CDH18: variants seen among roughly 807,000 people sequenced by gnomAD.
CDH18 encodes cadherin-18.
A neutral mutation model predicts 67.9 loss-of-function variants in CDH18; 31 were observed. The observed-to-expected ratio is 0.46, with a 90% CI of 0.34 to 0.62. The LOEUF (loss-of-function observed/expected upper bound fraction) is 0.62, where lower values mean the gene tolerates loss of function less well. CDH18 is among the 20% of genes least tolerant of loss of function. CDH18 has a pLI of 0.01. For missense variants in CDH18, 890 were observed against 975.5 expected (o/e 0.91, Z 1.17); for synonymous variants, 362 against 347.2 (o/e 1.04, Z -0.48).
chr5:20,518,510 GGAT>G (rs1755517340), intron 1 of CDH18, among the ~76,000 whole-genome samples: 1 of 152,076 alleles, frequency 6.6e-6, no homozygotes, highest in Non-Finnish European at 1.5e-5. Context: ...GAAAAATTAT[GGAT>G]CCTGTGTAAG....
At chr5:20,004,341 T>C (rs149553397) in intron 2 of CDH18, among the ~76,000 whole-genome samples, 1 of 152,304 alleles carries the variant, frequency 6.6e-6, no homozygotes, top group East Asian at 1.9e-4. Context: ...CTGGGCATTG[T>C]CTCTGACCTG....
intron 4 of CDH18, among the ~76,000 whole-genome samples, chr5:19,727,744 T>C (rs1767032446): frequency 1.3e-5 from 2 of 152,176 alleles, no homozygotes; most frequent in Non-Finnish European, 2.9e-5. Context: ...TCTGTAATTG[T>C]GTATTATGTT....
intron 2 of CDH18, among the ~76,000 whole-genome samples, chr5:19,917,522 G>A (rs933334364): frequency 6.6e-6 from 1 of 152,098 alleles, no homozygotes; most frequent in Non-Finnish European, 1.5e-5. Flanking sequence ...GCCTGGTTTT[G>A]CATGTTTGTG....
intron 6 of CDH18, among the ~76,000 whole-genome samples, chr5:19,607,540 A>G (rs1396038468): frequency 6.6e-6 from 1 of 151,374 alleles, no homozygotes; most frequent in Non-Finnish European, 1.5e-5. Flanking sequence ...AATGAATGAA[A>G]TTAAATAATT....
chr5:19,747,308 C>T, intron 3 of CDH18, 72 bp from the exon 4 acceptor site: 1 of 1,242,510 alleles, frequency 8.0e-7, no homozygotes, highest in Admixed American at 2.0e-5. Context: ...CTGAAAACTC[C>T]CTATCTATAA....
chr5:20,496,471 T>C (rs1223181924), intron 1 of CDH18, among the ~76,000 whole-genome samples: 1 of 152,172 alleles, frequency 6.6e-6, no homozygotes, highest in African/African-American at 2.4e-5. Flanking sequence ...CCAGAATATT[T>C]AATATTTTAC....
rs114911716 is a variant in CDH18, at chr5:20,020,644, C to T, written c.-517-28630G>A. 3.3e-3 allele frequency among the ~76,000 whole-genome samples: 509 copies of T among 152,258 alleles called. 3 individuals are homozygous for T. The highest frequency in any genetic ancestry group is 0.012 in the African/African-American group (480 of 41,524). ...TCATGGCCTCCACATAGTGTTAAGC[C>T]TCTGGGTGTGCCGGGGCCAAGGGTT... On this transcript the variant is annotated intron_variant, in intron 2 of 14. Coordinates refer to the CDH18 transcript ENST00000507958.
At chr5:19,743,600 C>T (rs1193949990) in intron 4 of CDH18, among the ~76,000 whole-genome samples, 1 of 152,126 alleles carries the variant, frequency 6.6e-6, no homozygotes, top group Admixed American at 6.5e-5. Flanking sequence ...AGATCTTTGC[C>T]TATAATATCA....
intron 1 of CDH18, among the ~76,000 whole-genome samples, chr5:20,268,007 G>A (rs1745169352): frequency 1.3e-5 from 2 of 152,070 alleles, no homozygotes; most frequent in African/African-American, 4.8e-5. Flanking sequence ...GATATCAAGT[G>A]TACCCAATGT....
intron 2 of CDH18, among the ~76,000 whole-genome samples, chr5:20,194,628 C>A (rs151122047): frequency 2.9e-3 from 438 of 150,288 alleles, no homozygotes; most frequent in Non-Finnish European, 4.1e-3. Flanking sequence ...CACTTCTACT[C>A]TATCTATAAC....
At position 19,747,252 on chromosome 5, in the gene CDH18, G is replaced by A. The variant is rs376577407; in HGVS notation, c.229-16C>T. 4.4e-6 allele frequency: 7 copies of A among 1,596,634 alleles called. No individual in the cohort carries two copies. The highest frequency in any genetic ancestry group is 4.0e-5 in the African/African-American group (3 of 74,378). ...TGGAGTGCAGCTGTGAAATACACATGGAATAATTTAGCATATATTTATATT... is the reference window on the plus strand; with the variant it reads ...TGGAGTGCAGCTGTGAAATACACATAGAATAATTTAGCATATATTTATATT... On this transcript the variant is annotated splice_polypyrimidine_tract_variant and intron_variant, in intron 3 of 12. Transcript: ENST00000382275.
At chr5:20,428,749 G>A (rs1225057962) in intron 1 of CDH18, among the ~76,000 whole-genome samples, 1 of 152,104 alleles carries the variant, frequency 6.6e-6, no homozygotes, top group East Asian at 1.9e-4. Context: ...ACAATAAGAC[G>A]TATATAAGCA....
At chr5:19,714,072 G>A (rs1413169028) in intron 5 of CDH18, among the ~76,000 whole-genome samples, 1 of 152,108 alleles carries the variant, frequency 6.6e-6, no homozygotes, top group Non-Finnish European at 1.5e-5. Flanking sequence ...CTTCATTGAG[G>A]TCCTTTTCTT....
At chr5:20,373,642 T>TATAA (rs34470344) in intron 1 of CDH18, among the ~76,000 whole-genome samples, 12,675 of 150,408 alleles carry the variant, frequency 0.084, 731 homozygotes, top group South Asian at 0.17. Flanking sequence ...GAAAAATAAA[T>TATAA]ATAAATAAAT....
intron 4 of CDH18, among the ~76,000 whole-genome samples, chr5:19,741,012 C>T (rs969895419): frequency 2.0e-5 from 3 of 151,822 alleles, no homozygotes; most frequent in Non-Finnish European, 2.9e-5. Context: ...ATCCAGGTTA[C>T]ATTTGCCCGC....
intron 5 of CDH18, among the ~76,000 whole-genome samples, chr5:19,617,444 C>G (rs1183698384): frequency 6.6e-6 from 1 of 152,122 alleles, no homozygotes; most frequent in Admixed American, 6.5e-5. Flanking sequence ...ACTGTGTAGC[C>G]TTTCCATTTA....
chr5:20,289,805 A>G (rs1388189931), intron 1 of CDH18, among the ~76,000 whole-genome samples: 4 of 152,062 alleles, frequency 2.6e-5, no homozygotes, highest in South Asian at 4.1e-4. Flanking sequence ...GATTTAATAC[A>G]TATCTGTCAA....
chr5:20,130,328 G>C (rs1301320839), intron 2 of CDH18, among the ~76,000 whole-genome samples: 1 of 151,144 alleles, frequency 6.6e-6, no homozygotes, highest in Non-Finnish European at 1.5e-5. Context: ...AGTCTGACAG[G>C]CTGCAGATTT....
At chr5:20,121,730 G>A (rs1283403841) in intron 2 of CDH18, among the ~76,000 whole-genome samples, 1 of 152,156 alleles carries the variant, frequency 6.6e-6, no homozygotes, top group Admixed American at 6.6e-5. Context: ...GCTATGGGAG[G>A]AAAATTCTGA....
Sources: gnomAD v4.1 joint callset for allele counts (sites outside exome capture counted in the v4.1 genomes callset) on GRCh38, gnomAD v4.1.1 for gene constraint, MANE v1.5 for transcripts, NCBI Gene and HGNC (gene_info 2026-07-23, HGNC 2026-07-21) for gene names.